The following MARCHF1 variants were observed in gnomAD, a reference collection of about 807,000 sequenced individuals.
MARCHF1 encodes the protein membrane associated ring-CH-type finger 1.
Under a neutral mutation model 54.2 loss-of-function variants are expected in MARCHF1, and 40 were observed. That is an observed-to-expected ratio of 0.74 (90% CI 0.57 to 0.96). The LOEUF (loss-of-function observed/expected upper bound fraction) is 0.96, where lower values mean the gene tolerates loss of function less well. Ranked by LOEUF, MARCHF1 falls within the 40% of genes least tolerant of loss-of-function variation. The pLI is 0.00. For synonymous variants in MARCHF1, 236 were observed against 236.3 expected, an observed-to-expected ratio of 1.00 and a Z score of 0.01; for missense variants, 586 against 656.5, an observed-to-expected ratio of 0.89 and a Z score of 1.17.
intron 2 of MARCHF1, among the ~76,000 whole-genome samples, chr4:164,032,507 G>C (rs972765304): frequency 1.3e-5 from 2 of 152,132 alleles, no homozygotes; most frequent in Non-Finnish European, 2.9e-5. Context: ...TGCTTTAGCT[G>C]TGTCTCAGAG....
chr4:164,092,273 A>C (rs548706902), intron 2 of MARCHF1, among the ~76,000 whole-genome samples: 1 of 152,252 alleles, frequency 6.6e-6, no homozygotes, highest in African/African-American at 2.4e-5. Flanking sequence ...CTGGATATGC[A>C]TCTGTCTTCC....
At chr4:164,337,056 G>T (rs889122119) in intron 1 of MARCHF1, among the ~76,000 whole-genome samples, 1 of 151,992 alleles carries the variant, frequency 6.6e-6, no homozygotes, top group Non-Finnish European at 1.5e-5. Flanking sequence ...AGGGAGGAGA[G>T]AAAGGAAAGG....
chr4:163,691,826 C>G (rs1046120243), intron 5 of MARCHF1, among the ~76,000 whole-genome samples: 1 of 152,104 alleles, frequency 6.6e-6, no homozygotes, highest in African/African-American at 2.4e-5. Flanking sequence ...CAGGCCAGTG[C>G]CCACATTACC....
intron 5 of MARCHF1, among the ~76,000 whole-genome samples, chr4:163,661,970 A>G (rs149145677): frequency 2.0e-5 from 3 of 152,214 alleles, no homozygotes; most frequent in African/African-American, 7.2e-5. Flanking sequence ...AAATAACTTT[A>G]TTTCAAAAAT....
In MARCHF1 at chr4:164,084,746, T is replaced by C. The variant is rs577753041; in HGVS notation, c.-248+26842A>G. Among the ~76,000 whole-genome samples the C allele has an allele frequency of 5.3e-5, 8 of 151,896 alleles. No homozygotes were observed. The East Asian group carries it at 1.4e-3, about 26-fold the overall frequency. On this transcript the variant is annotated intron_variant, in intron 2 of 9. Coordinates refer to ENST00000514618, the MANE Select transcript of MARCHF1 (RefSeq NM_001394959.1). ...AAGCAATGTTTTTTCAGTGTTCTAG[T>C]TGGGAGACATATGTTTCTATTTCAT...
chr4:163,656,082 C>T lies in MARCHF1; in HGVS notation c.163-42689G>A, dbSNP rs565322234. Among the ~76,000 whole-genome samples, 3 of 147,308 alleles carry T rather than the reference C, an allele frequency of 2.0e-5. No individual in the cohort carries two copies. The South Asian group carries it at 6.4e-4, about 31-fold the overall frequency. ...AAAGCAGAACTGAAGGAGACAGAGA[C>T]ACAAAAAACCTTTCAAAAAACCAAT... On this transcript the variant is annotated intron_variant, in intron 5 of 9. Coordinates refer to ENST00000514618, the MANE Select transcript of MARCHF1 (RefSeq NM_001394959.1).
rs573520670 is a variant in MARCHF1, at chr4:164,028,248, T to C, written c.-247-39539A>G. Among the ~76,000 whole-genome samples, 7 of 152,224 alleles carry C rather than the reference T, an allele frequency of 4.6e-5. No individual in the cohort carries two copies. In the South Asian group the frequency reaches 1.5e-3, roughly 32 times the overall value. On this transcript the variant is annotated intron_variant, in intron 2 of 9. Coordinates refer to ENST00000514618, the MANE Select transcript of MARCHF1 (RefSeq NM_001394959.1). ...ATATACCAAAAGGAAAATAAATCAG[T>C]CTACCAAGAAGACACATGCATTTGT...
chr4:163,941,020 T>C (rs1217901144), intron 3 of MARCHF1, among the ~76,000 whole-genome samples: 1 of 152,124 alleles, frequency 6.6e-6, no homozygotes, highest in Non-Finnish European at 1.5e-5. Flanking sequence ...CCTCGGAGTT[T>C]CCAACCTAGC....
chr4:163,787,063 A>G (rs886625917), intron 4 of MARCHF1, among the ~76,000 whole-genome samples: 8 of 151,944 alleles, frequency 5.3e-5, no homozygotes, highest in Non-Finnish European at 7.4e-5. Context: ...ACCTTATACT[A>G]TATACAAAAA....
At chr4:163,933,432 T>C (rs769753707) in intron 3 of MARCHF1, among the ~76,000 whole-genome samples, 9 of 152,216 alleles carry the variant, frequency 5.9e-5, no homozygotes, top group Non-Finnish European at 1.2e-4. Context: ...GTCTTGGCCT[T>C]CCTAGTGTGT....
At position 163,527,255 on chromosome 4, in the gene MARCHF1, G is replaced by A. The variant is rs1055396900; in HGVS notation, c.*1493C>T. 1.3e-5 allele frequency: 2 copies of A among 151,948 alleles called. No individual in the cohort carries two copies. Among genetic ancestry groups the A allele is most frequent in the African/African-American group, 4.8e-5 (2 of 41,398 alleles). The allele number at this position is 151,948 out of a possible 1,614,324, so 9.4% of individuals were successfully genotyped here. A position where few individuals can be genotyped will look rare whatever the true frequency, so the allele number is the denominator to read the frequency against. ...TATGCAAAGAACACAATAATCAACTGTCAAACCTAAACGATTAATTACTTA... is the reference window on the plus strand; with the variant it reads ...TATGCAAAGAACACAATAATCAACTATCAAACCTAAACGATTAATTACTTA... On this transcript the variant is annotated 3_prime_UTR_variant, in exon 10 of 10. Coordinates refer to ENST00000514618, the MANE Select transcript of MARCHF1 (RefSeq NM_001394959.1).
At chr4:164,081,656 T>C (rs545519349) in intron 2 of MARCHF1, among the ~76,000 whole-genome samples, 1 of 152,054 alleles carries the variant, frequency 6.6e-6, no homozygotes, top group South Asian at 2.1e-4. Flanking sequence ...GTAGCTAAGG[T>C]CCCTTAACTT....
At chr4:164,241,337 C>T (rs1277092587) in intron 1 of MARCHF1, among the ~76,000 whole-genome samples, 1 of 152,110 alleles carries the variant, frequency 6.6e-6, no homozygotes, top group Non-Finnish European at 1.5e-5. Flanking sequence ...AGCTGCCCTG[C>T]GATAATTAAG....
chr4:164,102,634 C>A (rs1460403222), intron 2 of MARCHF1, among the ~76,000 whole-genome samples: 1 of 151,524 alleles, frequency 6.6e-6, no homozygotes, highest in Non-Finnish European at 1.5e-5. Flanking sequence ...TGGAAAGGAA[C>A]AACCGGCACC....
At chr4:164,211,481 T>A (rs1731773496) in intron 1 of MARCHF1, among the ~76,000 whole-genome samples, 1 of 151,828 alleles carries the variant, frequency 6.6e-6, no homozygotes, top group Admixed American at 6.6e-5. Flanking sequence ...TCAAATGTGG[T>A]TTGGCAAAAG....
chr4:163,857,118 AAAC>A (rs1482406113), intron 3 of MARCHF1, among the ~76,000 whole-genome samples: 2 of 151,458 alleles, frequency 1.3e-5, no homozygotes, highest in African/African-American at 4.8e-5. Flanking sequence ...AAAAAAAAAA[AAAC>A]AAGGAAAGAC....
At chr4:164,377,325 T>C (rs147346170) in intron 1 of MARCHF1, among the ~76,000 whole-genome samples, 3 of 152,326 alleles carry the variant, frequency 2.0e-5, no homozygotes, top group East Asian at 3.9e-4. Context: ...TAGAAATACG[T>C]TCTGAGTTTT....
intron 1 of MARCHF1, among the ~76,000 whole-genome samples, chr4:164,155,150 A>G (rs1021240465): frequency 2.0e-5 from 3 of 152,148 alleles, no homozygotes; most frequent in African/African-American, 7.2e-5. Context: ...ATGGTGGGCC[A>G]AAAGGCAACT....
At chr4:164,133,440 C>A (rs1756341285) in intron 1 of MARCHF1, among the ~76,000 whole-genome samples, 1 of 152,084 alleles carries the variant, frequency 6.6e-6, no homozygotes, top group South Asian at 2.1e-4. Context: ...TGTGAACTTG[C>A]ACAAGAAAAA....
Sources: allele counts gnomAD v4.1 joint callset (sites outside exome capture counted in the v4.1 genomes callset), GRCh38; gene constraint gnomAD v4.1.1; transcripts MANE v1.5; gene names NCBI Gene and HGNC (gene_info 2026-07-23, HGNC 2026-07-21).